CPEB3: variants seen among roughly 807,000 people sequenced by gnomAD.
CPEB3 encodes the protein cytoplasmic polyadenylation element-binding protein 3.
CPEB3 carries 20 observed loss-of-function variants against 67.2 expected under a neutral mutation model. The observed-to-expected ratio is 0.30, with a 90% CI of 0.21 to 0.43. The LOEUF is 0.43. Ranked by LOEUF, CPEB3 falls within the 20% of genes least tolerant of loss-of-function variation. CPEB3 has a pLI of 1.00. For synonymous variants in CPEB3, 376 were observed against 393.1 expected (o/e 0.96, Z 0.51); for missense variants, 746 against 968.6 (o/e 0.77, Z 3.05).
rs571184610 is a variant in CPEB3, at chr10:92,101,672, C to T, written c.1572+9404G>A. ...CTGTAATCCCAGCACTTTGGGAGGCCAAGGCAGGCAGATCACTTGAGGTCA... is the reference window on the plus strand; with the variant it reads ...CTGTAATCCCAGCACTTTGGGAGGCTAAGGCAGGCAGATCACTTGAGGTCA... On this transcript the variant is annotated intron_variant, in intron 7 of 9. Coordinates refer to ENST00000265997, the MANE Select transcript of CPEB3 (RefSeq NM_014912.5). Among the ~76,000 whole-genome samples the T allele has an allele frequency of 1.4e-4, 21 of 152,242 alleles. No homozygotes were observed. In the South Asian group the frequency reaches 1.7e-3, roughly 12 times the overall value.
chr10:92,235,847 T>C (rs556873047), intron 2 of CPEB3, among the ~76,000 whole-genome samples: 56 of 152,352 alleles, frequency 3.7e-4, no homozygotes, highest in African/African-American at 1.3e-3. Flanking sequence ...CTAGAATAGG[T>C]GCTCTCAAAA....
In CPEB3 at chr10:92,190,340, T is replaced by C. The variant is rs1377756339; in HGVS notation, c.1165+2137A>G. Among the ~76,000 whole-genome samples, 12 of 151,520 alleles carry C rather than the reference T, an allele frequency of 7.9e-5. No homozygotes were observed. In the South Asian group the frequency reaches 2.5e-3, roughly 32 times the overall value. On this transcript the variant is annotated intron_variant, in intron 3 of 9. Coordinates refer to ENST00000265997, the MANE Select transcript of CPEB3 (RefSeq NM_014912.5). ...AGTTTTGAGACCCTCAAAATAGTGTTCCCCATGTTCAAGTGGGAGTAAAGG... is the reference window on the plus strand; with the variant it reads ...AGTTTTGAGACCCTCAAAATAGTGTCCCCCATGTTCAAGTGGGAGTAAAGG...
chr10:92,164,756 A>G (rs765315219), intron 4 of CPEB3, among the ~76,000 whole-genome samples: 1 of 152,236 alleles, frequency 6.6e-6, no homozygotes, highest in South Asian at 2.1e-4. Flanking sequence ...TCAAATCTAT[A>G]AAGACCTTGA....
In CPEB3 at chr10:92,216,841, G is replaced by A. The variant is rs551473101; in HGVS notation, c.1005+22505C>T. ...ACCTGCCGCTGGAAGCTACTGGGCT[G>A]ACGGCAGGACGACTGGCTGTCCTCC... On this transcript the variant is annotated intron_variant, in intron 2 of 9. Coordinates refer to ENST00000265997, the MANE Select transcript of CPEB3 (RefSeq NM_014912.5). The A allele has an allele frequency of 2.6e-6, 4 of 1,560,596 alleles. No individual in the cohort carries two copies. The East Asian group carries it at 9.0e-5, about 35-fold the overall frequency.
chr10:92,086,087 T>C (rs1010918127), intron 8 of CPEB3, among the ~76,000 whole-genome samples: 5 of 152,128 alleles, frequency 3.3e-5, no homozygotes, highest in Non-Finnish European at 7.4e-5. Flanking sequence ...CCAAACGAGA[T>C]AGAGTAGAAA....
chr10:92,075,853 C>A (rs1339059799), intron 9 of CPEB3, among the ~76,000 whole-genome samples: 1 of 152,154 alleles, frequency 6.6e-6, no homozygotes, highest in Non-Finnish European at 1.5e-5. Context: ...TATAAACTCT[C>A]AAAAGAGATA....
Position 92,102,001 on chromosome 10 carries a change from A to G in CPEB3, c.1572+9075T>C, listed in dbSNP as rs150077016. 4.1e-4 allele frequency among the ~76,000 whole-genome samples: 63 copies of G among 152,326 alleles called. No individual in the cohort carries two copies. The East Asian group carries it at 0.012, about 28-fold the overall frequency. On this transcript the variant is annotated intron_variant, in intron 7 of 9. Coordinates refer to ENST00000265997, the MANE Select transcript of CPEB3 (RefSeq NM_014912.5). ...TGGTTTATTATTAATCACCAAAACT[A>G]AGAGCCACAACAATAATTGTGGTTT...
At chr10:92,071,632 G>A (rs918790724) in intron 9 of CPEB3, among the ~76,000 whole-genome samples, 5 of 151,962 alleles carry the variant, frequency 3.3e-5, no homozygotes, top group African/African-American at 1.2e-4. Flanking sequence ...CTACTCGGGA[G>A]GCTGAGGCAA....
chr10:92,071,586 T>C (rs2133134523), intron 9 of CPEB3, among the ~76,000 whole-genome samples: 1 of 151,564 alleles, frequency 6.6e-6, no homozygotes, highest in African/African-American at 2.4e-5. Flanking sequence ...CAAAAAAAAA[T>C]TAGCTGGGCA....
chr10:92,146,943 C>T (rs989219265), intron 4 of CPEB3, among the ~76,000 whole-genome samples: 3 of 152,230 alleles, frequency 2.0e-5, no homozygotes, highest in Admixed American at 6.5e-5. Context: ...ATAGCCCACA[C>T]TCAGTGAATT....
At position 92,286,583 on chromosome 10, in the gene CPEB3, TA is replaced by T. The variant is rs757526293; in HGVS notation, c.-12+4342del. ...CTGGGCAGCAGAGCAAGACTCTATC[TA>T]AAAAAAAAAAAAAAAAACATAGGTA... On this transcript the variant is annotated intron_variant, in intron 1 of 9. Transcript: ENST00000265997. Among the ~76,000 whole-genome samples the T allele has an allele frequency of 2.6e-3, 269 of 102,470 alleles. 1 individual carries two copies. The highest frequency in any genetic ancestry group is 6.5e-3 in the Middle Eastern group (1 of 154). The allele number at this position is 102,470 out of a possible 152,430, so 67.2% of individuals were successfully genotyped here.
At chr10:92,217,210 A>G (rs1850464237) in intron 2 of CPEB3, among the ~76,000 whole-genome samples, 1 of 125,370 alleles carries the variant, frequency 8.0e-6, no homozygotes. Flanking sequence ...CTGCCTCAAA[A>G]AAAAAAAAAA....
At chr10:92,092,506 A>AT (rs1289439830) in intron 7 of CPEB3, among the ~76,000 whole-genome samples, 1 of 152,202 alleles carries the variant, frequency 6.6e-6, no homozygotes, top group Non-Finnish European at 1.5e-5. Context: ...CTGGCTGGGC[A>AT]TGGTGGCTCA....
rs756944131 is a variant in CPEB3 at position 92,143,168 on chromosome 10, C to T, written c.1364-50G>A. 1.5e-6 allele frequency: 2 copies of T among 1,372,272 alleles called. 1 individual carries two copies. The highest frequency in any genetic ancestry group is 2.4e-5 in the South Asian group (2 of 82,064). The allele number at this position is 1,372,272 out of a possible 1,614,324, so 85.0% of individuals were successfully genotyped here. On this transcript the variant is annotated intron_variant, in intron 5 of 9. Coordinates refer to ENST00000265997, the MANE Select transcript of CPEB3 (RefSeq NM_014912.5). ...GCAAAAGAGAAAAAAATATTGCAAT[C>T]AGAAAACCAGAAGAGCACAAAACAT... is the stretch of plus-strand genomic sequence containing the variant.
intron 1 of CPEB3, among the ~76,000 whole-genome samples, chr10:92,274,169 C>A (rs191788343): frequency 2.0e-5 from 3 of 152,294 alleles, no homozygotes; most frequent in Admixed American, 6.5e-5. Flanking sequence ...ATCCACCAAC[C>A]TGAAAGGGTT....
intron 3 of CPEB3, among the ~76,000 whole-genome samples, chr10:92,189,696 TGA>T (rs1491535708): frequency 6.9e-6 from 1 of 145,178 alleles, no homozygotes; most frequent in African/African-American, 2.5e-5. Flanking sequence ...GAGTCTCTAG[TGA>T]TTTTTTTTTT....
intron 9 of CPEB3, among the ~76,000 whole-genome samples, chr10:92,064,845 C>A (rs1041630480): frequency 6.6e-6 from 1 of 152,076 alleles, no homozygotes; most frequent in Admixed American, 6.5e-5. Context: ...CTCAATATAC[C>A]GTGTGTTTCA....
At chr10:92,219,120 G>C (rs1191554046) in intron 2 of CPEB3, among the ~76,000 whole-genome samples, 1 of 152,094 alleles carries the variant, frequency 6.6e-6, no homozygotes, top group African/African-American at 2.4e-5. Flanking sequence ...AAAAGATTCG[G>C]TTTTGAACTT....
At chr10:92,284,678 T>C (rs1842450701) in intron 1 of CPEB3, among the ~76,000 whole-genome samples, 1 of 152,110 alleles carries the variant, frequency 6.6e-6, no homozygotes, top group South Asian at 2.1e-4. Flanking sequence ...CAAATCCTAG[T>C]TATAATCTCT....
Sources: gnomAD v4.1 joint callset for allele counts (sites outside exome capture counted in the v4.1 genomes callset) on GRCh38, gnomAD v4.1.1 for gene constraint, MANE v1.5 for transcripts, NCBI Gene and HGNC (gene_info 2026-07-23, HGNC 2026-07-21) for gene names.